PIWIL3: variants seen among roughly 807,000 people sequenced by gnomAD.
The protein encoded by PIWIL3 is piwi like RNA-mediated gene silencing 3.
Under a neutral mutation model 109.7 loss-of-function variants are expected in PIWIL3, and 101 were observed. The ratio of observed to expected loss-of-function variants is 0.92; its 90% CI spans 0.78 to 1.09. The LOEUF is 1.09. PIWIL3 is among the 50% of genes least tolerant of loss of function. PIWIL3 has a pLI of 0.00. For synonymous variants in PIWIL3, 373 were observed against 376.4 expected, an observed-to-expected ratio of 0.99 and a Z score of 0.10; for missense variants, 1,031 against 1,072.6, an observed-to-expected ratio of 0.96 and a Z score of 0.54.
intron 11 of PIWIL3, 34 bp from the exon 12 acceptor site, chr22:24,749,055 C>T: frequency 6.6e-7 from 1 of 1,515,664 alleles, no homozygotes; most frequent in South Asian, 1.1e-5. Context: ...ATGATCAAAC[C>T]AAATAAGTAA....
intron 1 of PIWIL3, chr22:24,769,550 T>G (rs1281342621): frequency 6.6e-6 from 1 of 152,210 alleles, no homozygotes; most frequent in East Asian, 1.9e-4. Flanking sequence ...AGGCAGAGCT[T>G]GCAGTGAGCC....
intron 1 of PIWIL3, among the ~76,000 whole-genome samples, chr22:24,768,057 C>T (rs1284007927): frequency 6.6e-6 from 1 of 152,178 alleles, no homozygotes; most frequent in Non-Finnish European, 1.5e-5. Flanking sequence ...GTCTGATAGA[C>T]TCTCCTGCAA....
intron 7 of PIWIL3, 73 bp downstream of exon 7, chr22:24,754,711 T>C (rs1601844500): frequency 8.0e-7 from 1 of 1,253,120 alleles, no homozygotes; most frequent in Non-Finnish European, 1.2e-6. Flanking sequence ...ACTTCAAATA[T>C]GAAATGAATA....
At chr22:24,724,170 C>T (rs1922848967) in intron 18 of PIWIL3, among the ~76,000 whole-genome samples, 1 of 152,154 alleles carries the variant, frequency 6.6e-6, no homozygotes, top group South Asian at 2.1e-4. Context: ...CTCCCCCACC[C>T]ATCCACAAAA....
rs1490287614 is a variant in PIWIL3 at position 24,734,093 on chromosome 22, T to C, written c.1698A>G (p.Thr566=). 1 of 1,611,400 alleles carries C rather than the reference T, an allele frequency of 6.2e-7. No homozygotes were observed. Among genetic ancestry groups the C allele is most frequent in the Non-Finnish European group, 8.5e-7 (1 of 1,179,272 alleles). Reference sequence around the variant, plus strand: ...TCAACTAGACACTTACCATCTGCAGTGTTGGTCTAGTATATTTCCGTAATG... The same window carrying C: ...TCAACTAGACACTTACCATCTGCAGCGTTGGTCTAGTATATTTCCGTAATG... ...IDTLRKYTRP[T]LQMVICILPN... is the part of the protein sequence containing the mutation. The change falls in exon 14 of 21, where the codon ACA becomes ACG. Residue 566 remains threonine (T), a synonymous_variant. Coordinates refer to ENST00000616349, the MANE Select transcript of PIWIL3 (RefSeq NM_001255975.1).
At position 24,771,147 on chromosome 22, in the gene PIWIL3, C is replaced by T. The variant is rs766838157; in HGVS notation, c.-23+3175G>A. ...CTTGGAGGCATGAGCCTGGTCATTT[C>T]CTAGCTGCTAACATTTAAAGAAAGT... is the stretch of plus-strand genomic sequence containing the variant. On this transcript the variant is annotated intron_variant, in intron 1 of 20. Coordinates refer to ENST00000616349, the MANE Select transcript of PIWIL3 (RefSeq NM_001255975.1). Among the ~76,000 whole-genome samples, 39 of 152,002 alleles carry T rather than the reference C, an allele frequency of 2.6e-4. 1 individual carries two copies. The highest frequency in any genetic ancestry group is 1.4e-3 in the Admixed American group (22 of 15,260).
At chr22:24,725,977 C>A (rs574887074) in intron 16 of PIWIL3, among the ~76,000 whole-genome samples, 1 of 152,268 alleles carries the variant, frequency 6.6e-6, no homozygotes, top group Admixed American at 6.5e-5. Context: ...AAGTTTCTAT[C>A]CCCTTACCGC....
intron 8 of PIWIL3, 52 bp downstream of exon 8, chr22:24,753,961 TG>T (rs1285445841): frequency 6.2e-6 from 9 of 1,444,250 alleles, no homozygotes; most frequent in Non-Finnish European, 6.8e-6. Context: ...TCTCTTGGGG[TG>T]GGGGAAGGGG....
Position 24,735,692 on chromosome 22 carries a change from T to C in PIWIL3, c.1634+16A>G. 4.5e-6 allele frequency: 7 copies of C among 1,559,644 alleles called. No individual in the cohort carries two copies. The highest frequency in any genetic ancestry group is 6.1e-6 in the Non-Finnish European group (7 of 1,156,870). The stretch of plus-strand genomic sequence containing the variant: ...CTAACAATCGATTTTCAAATGGGAA[T>C]TTCTGCTCTACTTACATTTCTGCTG... On this transcript the variant is annotated intron_variant, in intron 13 of 20. Transcript: ENST00000616349.
At chr22:24,767,924 C>G (rs1925891532) in intron 1 of PIWIL3, among the ~76,000 whole-genome samples, 1 of 152,190 alleles carries the variant, frequency 6.6e-6, no homozygotes, top group Non-Finnish European at 1.5e-5. Flanking sequence ...TGCCCCTCAC[C>G]TGGGTTCATC....
intron 19 of PIWIL3, among the ~76,000 whole-genome samples, chr22:24,720,897 T>C (rs1922637673): frequency 6.6e-6 from 1 of 152,246 alleles, no homozygotes; most frequent in African/African-American, 2.4e-5. Context: ...AGTGTATACT[T>C]TGACCTCATA....
At chr22:24,765,022 G>T (rs1439119842) in intron 1 of PIWIL3, among the ~76,000 whole-genome samples, 2 of 152,292 alleles carry the variant, frequency 1.3e-5, no homozygotes, top group East Asian at 1.9e-4. Flanking sequence ...ACATAAGGGA[G>T]AGCTGAGCCA....
At chr22:24,746,508 G>C (rs1323261578) in intron 12 of PIWIL3, among the ~76,000 whole-genome samples, 1 of 151,772 alleles carries the variant, frequency 6.6e-6, no homozygotes, top group African/African-American at 2.4e-5. Flanking sequence ...ATACAACAAG[G>C]ATGCTCCCTG....
chr22:24,735,046 T>TA (rs561351507), intron 13 of PIWIL3, among the ~76,000 whole-genome samples: 1 of 151,124 alleles, frequency 6.6e-6, no homozygotes, highest in African/African-American at 2.4e-5. Flanking sequence ...GGTAAAAAAA[T>TA]AAAAAAATAA....
chr22:24,764,084 A>G (rs1925633458), intron 1 of PIWIL3, among the ~76,000 whole-genome samples: 1 of 152,226 alleles, frequency 6.6e-6, no homozygotes, highest in Admixed American at 6.5e-5. Flanking sequence ...TACACGGACC[A>G]GCCCAGCCTC....
chr22:24,755,149 G>A (rs1924947985), intron 6 of PIWIL3, among the ~76,000 whole-genome samples: 1 of 152,188 alleles, frequency 6.6e-6, no homozygotes, highest in Non-Finnish European at 1.5e-5. Context: ...TGGAGACAGA[G>A]TCTCGCTCTG....
intron 16 of PIWIL3, among the ~76,000 whole-genome samples, chr22:24,726,583 CGGTATT>C (rs979717316): frequency 2.0e-5 from 3 of 152,098 alleles, no homozygotes; most frequent in African/African-American, 7.2e-5. Context: ...CCGCACCCGG[CGGTATT>C]GGCTATTTTC....
At chr22:24,745,693 C>T (rs936767233) in intron 12 of PIWIL3, among the ~76,000 whole-genome samples, 3 of 90,748 alleles carry the variant, frequency 3.3e-5, no homozygotes, top group East Asian at 3.1e-4. Flanking sequence ...ATAAACAAAA[C>T]GGACAAATCT....
intron 19 of PIWIL3, among the ~76,000 whole-genome samples, chr22:24,720,417 G>A (rs891773355): frequency 4.6e-5 from 7 of 151,494 alleles, no homozygotes; most frequent in South Asian, 2.1e-4. Context: ...GACTACAGGC[G>A]CCCACCACCA....
Sources: gnomAD v4.1 joint callset for allele counts (sites outside exome capture counted in the v4.1 genomes callset) on GRCh38, gnomAD v4.1.1 for gene constraint, MANE v1.5 for transcripts, NCBI Gene and HGNC (gene_info 2026-07-23, HGNC 2026-07-21) for gene names.